GRB10: variants seen among roughly 807,000 people sequenced by gnomAD.
The protein encoded by GRB10 is growth factor receptor-bound protein 10.
A neutral mutation model predicts 80.9 loss-of-function variants in GRB10; 20 were observed. The observed-to-expected ratio is 0.25, with a 90% CI of 0.17 to 0.36. GRB10 has a LOEUF of 0.36. GRB10 is among the 10% of genes least tolerant of loss of function. GRB10 has a pLI of 1.00. For missense variants in GRB10, 548 were observed against 747.7 expected (o/e 0.73, Z 3.12); for synonymous variants, 291 against 291.5 (o/e 1.00, Z 0.02).
intron 7 of GRB10, among the ~76,000 whole-genome samples, chr7:50,662,485 G>C (rs2059378349): frequency 6.6e-6 from 1 of 152,214 alleles, no homozygotes; most frequent in African/African-American, 2.4e-5. Context: ...TTCAGCCCCA[G>C]GCAGGAGGGG....
intron 3 of GRB10, 131 bp from the exon 4 acceptor site, chr7:50,732,499 C>T (rs1343817809): frequency 1.2e-5 from 8 of 654,838 alleles, no homozygotes; most frequent in Non-Finnish European, 2.2e-5. Context: ...AGTAAGGACA[C>T]TTGCTCGGGG....
intron 8 of GRB10, 119 bp from the exon 9 acceptor site, chr7:50,619,404 G>C: frequency 2.7e-6 from 2 of 737,748 alleles, no homozygotes; most frequent in South Asian, 2.9e-5. Flanking sequence ...GAATAAAGAT[G>C]AGGTCAGGAA....
At chr7:50,607,987 T>C (rs185081141) in intron 13 of GRB10, among the ~76,000 whole-genome samples, 12 of 152,162 alleles carry the variant, frequency 7.9e-5, no homozygotes, top group Non-Finnish European at 7.4e-5. Context: ...ATTTCTAAGA[T>C]AAAAATACCT....
chr7:50,631,621 C>T (rs1033716617), intron 7 of GRB10, among the ~76,000 whole-genome samples: 4 of 152,200 alleles, frequency 2.6e-5, no homozygotes, highest in African/African-American at 9.7e-5. Context: ...GAGGCATTCA[C>T]AGGGTAAGAG....
chr7:50,716,169 G>A (rs532281024), intron 4 of GRB10, among the ~76,000 whole-genome samples: 72 of 152,190 alleles, frequency 4.7e-4, no homozygotes, highest in Admixed American at 2.6e-3. Flanking sequence ...GGAGAGAAGC[G>A]TGTTCCCACC....
At chr7:50,696,617 T>A (rs17133968) in intron 5 of GRB10, among the ~76,000 whole-genome samples, 1,723 of 152,298 alleles carry the variant, frequency 0.011, 29 homozygotes, top group African/African-American at 0.038. Flanking sequence ...TGGGCATCTT[T>A]ACTCAATTGG....
At chr7:50,625,784 A>G (rs1280279086) in intron 8 of GRB10, among the ~76,000 whole-genome samples, 1 of 152,264 alleles carries the variant, frequency 6.6e-6, no homozygotes, top group Non-Finnish European at 1.5e-5. Flanking sequence ...ATTAGAAAAC[A>G]GAGACTTAAG....
chr7:50,784,323 T>G (rs1859571), upstream of GRB10, among the ~76,000 whole-genome samples: 97,874 of 152,110 alleles, frequency 0.64, 33,585 homozygotes, highest in Middle Eastern at 0.88. Flanking sequence ...AGAACTTGGC[T>G]TTCCTTCCAG....
At chr7:50,665,757 G>A (rs1015094281) in intron 7 of GRB10, among the ~76,000 whole-genome samples, 11 of 152,212 alleles carry the variant, frequency 7.2e-5, no homozygotes, top group African/African-American at 2.2e-4. Flanking sequence ...TGAGGAAGTT[G>A]AATCCAGGGC....
intron 3 of GRB10, among the ~76,000 whole-genome samples, chr7:50,734,998 A>C (rs1390684754): frequency 6.6e-6 from 1 of 152,224 alleles, no homozygotes; most frequent in Non-Finnish European, 1.5e-5. Flanking sequence ...TCCAAATTGG[A>C]AAGGAGGAAC....
chr7:50,600,984 C>T (rs1340257097), intron 17 of GRB10, among the ~76,000 whole-genome samples: 2 of 152,214 alleles, frequency 1.3e-5, no homozygotes, highest in East Asian at 3.8e-4. Flanking sequence ...ACATGGTGAA[C>T]ATCCCTCAGT....
intron 3 of GRB10, among the ~76,000 whole-genome samples, chr7:50,735,223 CAA>C (rs1160910904): frequency 3.3e-5 from 5 of 152,216 alleles, no homozygotes; most frequent in African/African-American, 1.2e-4. Context: ...TCAAAAATAA[CAA>C]AATACTTAGA....
At chr7:50,698,267 C>T (rs955908821) in intron 5 of GRB10, among the ~76,000 whole-genome samples, 5 of 152,126 alleles carry the variant, frequency 3.3e-5, no homozygotes, top group Admixed American at 6.5e-5. Flanking sequence ...GGCTGAAGTG[C>T]GCCTTTCAGC....
At chr7:50,615,470 G>C (rs528424988) in intron 11 of GRB10, among the ~76,000 whole-genome samples, 1 of 152,336 alleles carries the variant, frequency 6.6e-6, no homozygotes, top group Admixed American at 6.5e-5. Flanking sequence ...CTTCTCTCTG[G>C]CCCAGGTGTC....
intron 7 of GRB10, among the ~76,000 whole-genome samples, chr7:50,654,388 C>T (rs2058392591): frequency 6.6e-6 from 1 of 152,174 alleles, no homozygotes; most frequent in Admixed American, 6.5e-5. Context: ...TGCCAAGCCT[C>T]ACAGAGTCCC....
upstream of GRB10, among the ~76,000 whole-genome samples, chr7:50,786,568 C>G (rs902279165): frequency 1.1e-4 from 16 of 152,194 alleles, no homozygotes; most frequent in African/African-American, 2.9e-4. Context: ...TTTCTCAACC[C>G]CATTCTGCCT....
intron 18 of GRB10, among the ~76,000 whole-genome samples, chr7:50,593,560 G>A (rs1201893890): frequency 6.6e-6 from 1 of 152,150 alleles, no homozygotes; most frequent in African/African-American, 2.4e-5. Flanking sequence ...ACTGTTGGGT[G>A]GCTATGAGGG....
intron 13 of GRB10, 87 bp downstream of exon 13, chr7:50,612,653 AT>A (rs1276497025): frequency 2.4e-6 from 2 of 836,112 alleles, no homozygotes; most frequent in African/African-American, 3.3e-5. Flanking sequence ...AGTTACGAGC[AT>A]TTTCCTGCCA....
chr7:50,781,136 G>A (rs1286065983), intron 1 of GRB10: 1 of 152,256 alleles, frequency 6.6e-6, no homozygotes, highest in Admixed American at 6.5e-5. Flanking sequence ...AGTCCTACAA[G>A]ATAGTAACTA....
Sources: allele counts gnomAD v4.1 joint callset (sites outside exome capture counted in the v4.1 genomes callset), GRCh38; gene constraint gnomAD v4.1.1; transcripts MANE v1.5; gene names NCBI Gene and HGNC (gene_info 2026-07-23, HGNC 2026-07-21).